The following ZFAND6 variants were observed in gnomAD, a reference collection of about 807,000 sequenced individuals.
ZFAND6 encodes zinc finger AN1-type containing 6, also known as AN1-type zinc finger protein 6.
A neutral mutation model predicts 24.5 loss-of-function variants in ZFAND6; 12 were observed. The observed-to-expected ratio is 0.49, with a 90% CI of 0.31 to 0.79. ZFAND6 has a LOEUF of 0.79. Ranked by LOEUF, ZFAND6 falls within the 30% of genes least tolerant of loss-of-function variation. The pLI, the probability that ZFAND6 is intolerant of heterozygous loss-of-function variation, is 0.04. For missense variants in ZFAND6, 207 were observed against 245.9 expected (o/e 0.84, Z 1.06); for synonymous variants, 92 against 81.5 (o/e 1.13, Z -0.69).
At chr15:80,132,743 G>T (rs775608820) in intron 6 of ZFAND6, among the ~76,000 whole-genome samples, 1 of 152,066 alleles carries the variant, frequency 6.6e-6, no homozygotes, top group Non-Finnish European at 1.5e-5. Flanking sequence ...CATAAGACTC[G>T]TATAAAGTGA....
intron 1 of ZFAND6, among the ~76,000 whole-genome samples, chr15:80,091,665 A>C (rs1051258594): frequency 4.0e-5 from 6 of 151,744 alleles, no homozygotes; most frequent in African/African-American, 4.8e-5. Flanking sequence ...AAGAGACAGG[A>C]TCTTGCTCTT....
chr15:80,067,182 CTT>C (rs1198197514), intron 1 of ZFAND6, among the ~76,000 whole-genome samples: 3 of 152,156 alleles, frequency 2.0e-5, no homozygotes, highest in Middle Eastern at 3.2e-3. Context: ...GTTTGGGAGA[CTT>C]TTATTTTTTA....
intron 6 of ZFAND6, 189 bp downstream of exon 6, chr15:80,131,482 C>CT (rs1369987016): frequency 2.1e-6 from 1 of 470,010 alleles, no homozygotes; most frequent in Admixed American, 3.8e-5. Flanking sequence ...AAATGAATAG[C>CT]TTTTTTAAAA....
chr15:80,088,685 T>C (rs939259895), intron 1 of ZFAND6, among the ~76,000 whole-genome samples: 1 of 152,262 alleles, frequency 6.6e-6, no homozygotes, highest in African/African-American at 2.4e-5. Context: ...CAAATACCTG[T>C]ATCTTCATTT....
chr15:80,070,249 T>C (rs1291465926), intron 1 of ZFAND6, among the ~76,000 whole-genome samples: 2 of 152,204 alleles, frequency 1.3e-5, no homozygotes, highest in African/African-American at 2.4e-5. Context: ...CTCTTCTAAA[T>C]TGTTTTTAGC....
intron 1 of ZFAND6, chr15:80,075,262 TTTGA>T (rs1244397926): frequency 4.7e-6 from 1 of 214,070 alleles, no homozygotes; most frequent in Non-Finnish European, 9.6e-6. Context: ...CAACATGTAA[TTTGA>T]TTGTCGTCTT....
At chr15:80,088,674 A>G (rs1034893042) in intron 1 of ZFAND6, among the ~76,000 whole-genome samples, 1 of 152,226 alleles carries the variant, frequency 6.6e-6, no homozygotes, top group Non-Finnish European at 1.5e-5. Flanking sequence ...TCCTTAATTT[A>G]CAAATACCTG....
intron 1 of ZFAND6, among the ~76,000 whole-genome samples, chr15:80,080,368 A>T (rs924922228): frequency 6.6e-6 from 1 of 152,194 alleles, no homozygotes; most frequent in African/African-American, 2.4e-5. Context: ...CCCCTTATTC[A>T]TGGGAGATAT....
rs759872257 is a variant in ZFAND6 at position 80,075,257 on chromosome 15, T to C, written c.-181+15448T>C. The C allele has an allele frequency of 4.8e-5, 10 of 210,058 alleles. No individual in the cohort carries two copies. The South Asian group carries it at 5.1e-4, about 11-fold the overall frequency. The allele number at this position is 210,058 out of a possible 1,614,324, so 13.0% of individuals were successfully genotyped here. On this transcript the variant is annotated intron_variant, in intron 1 of 6. Coordinates refer to ENST00000261749, the MANE Select transcript of ZFAND6 (RefSeq NM_019006.4). ...CACAAATATTGGTAATTTGACAACA[T>C]GTAATTTGATTGTCGTCTTAATAAA...
chr15:80,090,231 A>AC (rs1245920478), intron 1 of ZFAND6, among the ~76,000 whole-genome samples: 4 of 152,216 alleles, frequency 2.6e-5, no homozygotes, highest in Admixed American at 2.6e-4. Context: ...ATCTGATAGT[A>AC]CCTAAGTACT....
At chr15:80,088,836 T>C (rs1180552143) in intron 1 of ZFAND6, among the ~76,000 whole-genome samples, 1 of 152,168 alleles carries the variant, frequency 6.6e-6, no homozygotes, top group Admixed American at 6.5e-5. Flanking sequence ...TTGCACTAGC[T>C]CCATTCCAAG....
intron 5 of ZFAND6, among the ~76,000 whole-genome samples, chr15:80,125,623 A>G (rs1217023334): frequency 2.0e-5 from 3 of 152,230 alleles, no homozygotes; most frequent in African/African-American, 7.2e-5. Flanking sequence ...GCAGTACCTT[A>G]CTTACATAGT....
intron 4 of ZFAND6, 29 bp downstream of exon 4, chr15:80,121,849 G>T (rs986080356): frequency 5.1e-6 from 8 of 1,562,936 alleles, no homozygotes; most frequent in Non-Finnish European, 5.3e-6. Context: ...ATTCTAATGA[G>T]AATGCTAATA....
At chr15:80,128,115 A>G (rs780072996) in intron 5 of ZFAND6, among the ~76,000 whole-genome samples, 3 of 152,248 alleles carry the variant, frequency 2.0e-5, no homozygotes, top group Non-Finnish European at 2.9e-5. Context: ...TTATTTATAT[A>G]GAATGTCTAA....
chr15:80,072,989 A>G (rs961994448), intron 1 of ZFAND6, among the ~76,000 whole-genome samples: 2 of 151,912 alleles, frequency 1.3e-5, no homozygotes, highest in Non-Finnish European at 2.9e-5. Flanking sequence ...GGTTCATTTG[A>G]TATGTCATTT....
rs777298794 is a variant in ZFAND6, at chr15:80,095,024, C to G, written c.-180-3392C>G. On this transcript the variant is annotated intron_variant, in intron 1 of 6. Transcript: ENST00000261749. The stretch of plus-strand genomic sequence containing the variant: ...CTGACCTCAGGTAATCCACCTGCCT[C>G]GGCCTCCCAGATTGCTGGGATTATA... Among the ~76,000 whole-genome samples, 3 of 152,266 alleles carry G rather than the reference C, an allele frequency of 2.0e-5. No individual in the cohort carries two copies. The East Asian group carries it at 5.8e-4, about 29-fold the overall frequency.
At chr15:80,111,594 A>G (rs1327065082) in intron 2 of ZFAND6, 3 of 452,416 alleles carry the variant, frequency 6.6e-6, no homozygotes, top group East Asian at 1.4e-4. Flanking sequence ...CTATATAGCA[A>G]TATAGGATAA....
chr15:80,111,389 A>G (rs940681144), intron 2 of ZFAND6: 21 of 398,498 alleles, frequency 5.3e-5, no homozygotes, highest in Middle Eastern at 3.7e-4. Flanking sequence ...AACCCTGCCA[A>G]TCATTTGGGT....
chr15:80,084,600 G>A (rs529750843), intron 1 of ZFAND6, among the ~76,000 whole-genome samples: 2 of 152,342 alleles, frequency 1.3e-5, no homozygotes, highest in East Asian at 1.9e-4. Context: ...TGACCAAGGC[G>A]TTAAGCCGGG....
Sources: gnomAD v4.1 joint callset for allele counts (sites outside exome capture counted in the v4.1 genomes callset) on GRCh38, gnomAD v4.1.1 for gene constraint, MANE v1.5 for transcripts, NCBI Gene and HGNC (gene_info 2026-07-23, HGNC 2026-07-21) for gene names.